The following NCAM2 variants were observed in gnomAD, a reference collection of about 807,000 sequenced individuals.
The protein encoded by NCAM2 is N-CAM-2.
NCAM2 carries 30 observed loss-of-function variants against 98.1 expected under a neutral mutation model. That is an observed-to-expected ratio of 0.31 (90% CI 0.23 to 0.41). NCAM2 has a LOEUF of 0.41. NCAM2 is among the 10% of genes least tolerant of loss of function. The pLI is 1.00. For missense variants in NCAM2, 867 were observed against 1,005.8 expected, an observed-to-expected ratio of 0.86 and a Z score of 1.87; for synonymous variants, 368 against 342.4, an observed-to-expected ratio of 1.07 and a Z score of -0.83.
intron 12 of NCAM2, among the ~76,000 whole-genome samples, chr21:21,443,670 A>C (rs1263384702): frequency 1.3e-5 from 2 of 152,026 alleles, no homozygotes; most frequent in African/African-American, 4.8e-5. Flanking sequence ...TTCTCTTTTT[A>C]AGTACTCAGT....
intron 1 of NCAM2, among the ~76,000 whole-genome samples, chr21:21,268,054 T>G (rs1417521526): frequency 6.6e-6 from 1 of 152,170 alleles, no homozygotes; most frequent in Non-Finnish European, 1.5e-5. Context: ...TTTTGGCTCT[T>G]GTGAATTTCT....
intron 9 of NCAM2, among the ~76,000 whole-genome samples, chr21:21,381,653 A>C (rs1253917238): frequency 1.3e-5 from 2 of 152,104 alleles, no homozygotes; most frequent in South Asian, 2.1e-4. Flanking sequence ...TTCCTTACAC[A>C]CACCTTATCT....
At chr21:21,305,177 G>A (rs2073842494) in intron 5 of NCAM2, among the ~76,000 whole-genome samples, 1 of 152,042 alleles carries the variant, frequency 6.6e-6, no homozygotes, top group Admixed American at 6.6e-5. Flanking sequence ...AATTAGCTGA[G>A]CTTGGTGGTG....
chr21:21,143,660 T>G (rs1297051656), intron 1 of NCAM2, among the ~76,000 whole-genome samples: 1 of 152,096 alleles, frequency 6.6e-6, no homozygotes, highest in Non-Finnish European at 1.5e-5. Context: ...TTAAGTATTT[T>G]TTTCCCTCAC....
chr21:21,225,965 TACTAGGCC>T (rs1451290730), intron 1 of NCAM2, among the ~76,000 whole-genome samples: 1 of 152,082 alleles, frequency 6.6e-6, no homozygotes, highest in African/African-American at 2.4e-5. Flanking sequence ...CACCATAGAA[TACTAGGCC>T]ACCATAAAAA....
At chr21:21,285,287 T>C (rs1039478321) in intron 3 of NCAM2, among the ~76,000 whole-genome samples, 22 of 151,838 alleles carry the variant, frequency 1.4e-4, no homozygotes, top group African/African-American at 5.3e-4. Flanking sequence ...GCTTTGTGTT[T>C]TGTTTGTTAT....
chr21:21,317,935 G>A (rs2074267753), intron 5 of NCAM2, among the ~76,000 whole-genome samples: 1 of 152,130 alleles, frequency 6.6e-6, no homozygotes, highest in African/African-American at 2.4e-5. Flanking sequence ...TAAAACAGGT[G>A]AATTCTCAGA....
At chr21:21,329,518 G>T in intron 6 of NCAM2, among the ~76,000 whole-genome samples, 1 of 152,070 alleles carries the variant, frequency 6.6e-6, no homozygotes, top group Non-Finnish European at 1.5e-5. Context: ...ATACCCCTGT[G>T]GTTAGGCAAT....
At chr21:21,492,921 T>G (rs920609294) in intron 15 of NCAM2, among the ~76,000 whole-genome samples, 4 of 151,896 alleles carry the variant, frequency 2.6e-5, no homozygotes, top group East Asian at 1.9e-4. Context: ...ACACCTAAAT[T>G]TTACTATTGT....
At chr21:21,115,424 A>T (rs2212635) in intron 1 of NCAM2, among the ~76,000 whole-genome samples, 150,176 of 152,230 alleles carry the variant, frequency 0.99, 74,096 homozygotes, top group East Asian at 1. Context: ...ATTAAAATCT[A>T]CCAGTTTACA....
At chr21:21,479,608 A>AAAAAAAAAAAATT (rs1491473437) in intron 15 of NCAM2, among the ~76,000 whole-genome samples, 1 of 127,912 alleles carries the variant, frequency 7.8e-6, no homozygotes, top group Non-Finnish European at 1.8e-5. Flanking sequence ...AAAAAAAAAA[A>AAAAAAAAAAAATT]TTGTTGATGA....
intron 12 of NCAM2, among the ~76,000 whole-genome samples, chr21:21,454,144 T>G (rs1363709592): frequency 1.3e-5 from 2 of 152,098 alleles, no homozygotes; most frequent in African/African-American, 4.8e-5. Flanking sequence ...TTTCCTGTAC[T>G]AATTACAAAA....
chr21:21,332,817 A>T (rs2074752546), intron 6 of NCAM2, among the ~76,000 whole-genome samples: 1 of 152,200 alleles, frequency 6.6e-6, no homozygotes, highest in African/African-American at 2.4e-5. Flanking sequence ...GGAGGTACTC[A>T]TATGCCACTG....
intron 1 of NCAM2, among the ~76,000 whole-genome samples, chr21:21,259,919 AACACAC>A (rs10618210): frequency 0.033 from 4,658 of 141,978 alleles, 113 homozygotes; most frequent in African/African-American, 0.054. Flanking sequence ...AATAAGAAGC[AACACAC>A]ACACACACAC....
intron 1 of NCAM2, among the ~76,000 whole-genome samples, chr21:21,255,170 C>T (rs1383409764): frequency 6.6e-6 from 1 of 152,060 alleles, no homozygotes; most frequent in African/African-American, 2.4e-5. Context: ...CCCTTTATGT[C>T]TTGTAGGACT....
At chr21:21,226,716 G>A (rs2147161365) in intron 1 of NCAM2, 1 of 152,168 alleles carries the variant, frequency 6.6e-6, no homozygotes, top group African/African-American at 2.4e-5. Flanking sequence ...TACAATCAAA[G>A]GCTGTATTAG....
At chr21:21,137,333 G>T (rs1428055305) in intron 1 of NCAM2, among the ~76,000 whole-genome samples, 1 of 152,134 alleles carries the variant, frequency 6.6e-6, no homozygotes. Context: ...TTTCCAAGAA[G>T]TATGTATTTA....
intron 1 of NCAM2, among the ~76,000 whole-genome samples, chr21:21,013,025 C>T (rs2146146165): frequency 6.6e-6 from 1 of 152,274 alleles, no homozygotes; most frequent in Admixed American, 6.5e-5. Flanking sequence ...TCAGACCTTC[C>T]ATTCCCTGAG....
chr21:21,075,880 G>A (rs752074305), intron 1 of NCAM2, among the ~76,000 whole-genome samples: 1 of 152,100 alleles, frequency 6.6e-6, no homozygotes, highest in Non-Finnish European at 1.5e-5. Flanking sequence ...ACTTTGGGAG[G>A]CTGAGGCTGG....
Sources: gnomAD v4.1 joint callset for allele counts (sites outside exome capture counted in the v4.1 genomes callset) on GRCh38, gnomAD v4.1.1 for gene constraint, MANE v1.5 for transcripts, NCBI Gene and HGNC (gene_info 2026-07-23, HGNC 2026-07-21) for gene names.